KLHL29: variants seen among roughly 807,000 people sequenced by gnomAD.
KLHL29 encodes the protein kelch-like protein 29.
In KLHL29, 21 loss-of-function variants were observed where a neutral mutation model predicts 80.4. The observed-to-expected ratio is 0.26, with a 90% CI of 0.19 to 0.38. The LOEUF is 0.38. Ranked by LOEUF, KLHL29 falls within the 10% of genes least tolerant of loss-of-function variation. KLHL29 has a pLI of 1.00. For synonymous variants in KLHL29, 511 were observed against 526.8 expected (o/e 0.97, Z 0.41); for missense variants, 867 against 1,223.9 (o/e 0.71, Z 4.35).
chr2:23,639,138 G>A lies in KLHL29; in HGVS notation c.286-1G>A. On this transcript the variant is annotated splice_acceptor_variant, in intron 3 of 13. Transcript: ENST00000486442. LOFTEE classifies it high-confidence loss of function. Reference sequence around the variant, plus strand: ...CTCACCTCCTCATCTGCTTCCCACAGGCTCCCGGCATCTCCAAAGGGGACA... The same window carrying A: ...CTCACCTCCTCATCTGCTTCCCACAAGCTCCCGGCATCTCCAAAGGGGACA... 6.5e-7 allele frequency: 1 copy of A among 1,528,472 alleles called. No homozygotes were observed. Among genetic ancestry groups the A allele is most frequent in the Middle Eastern group, 1.7e-4 (1 of 5,876 alleles). 94.7% of individuals were successfully genotyped at this position (1,528,472 alleles called of 1,614,324 possible).
chr2:23,558,011 G>A (rs1403056810), intron 2 of KLHL29, among the ~76,000 whole-genome samples: 1 of 152,128 alleles, frequency 6.6e-6, no homozygotes, highest in African/African-American at 2.4e-5. Context: ...GGCCTCCAAG[G>A]TTGCCATGAC....
At chr2:23,502,088 G>A (rs1665463995) in intron 2 of KLHL29, among the ~76,000 whole-genome samples, 1 of 152,170 alleles carries the variant, frequency 6.6e-6, no homozygotes, top group African/African-American at 2.4e-5. Flanking sequence ...ATTCTTCACA[G>A]GTTGTAGTGC....
At chr2:23,408,263 TAAAAAAAAAAAAAAAAAAAAAAA>T (rs55790582) in intron 1 of KLHL29, among the ~76,000 whole-genome samples, 2 of 52,678 alleles carry the variant, frequency 3.8e-5, no homozygotes, top group East Asian at 9.5e-4. Flanking sequence ...CATTTCACGC[TAAAAAAAAAAAAAAAAAAAAAAA>T]AAAAAAAAAA....
intron 3 of KLHL29, among the ~76,000 whole-genome samples, chr2:23,619,729 G>A (rs1279589657): frequency 6.6e-6 from 1 of 152,170 alleles, no homozygotes; most frequent in Non-Finnish European, 1.5e-5. Context: ...ACCAGGAAAA[G>A]AGAAATGGAA....
At chr2:23,388,503 A>G (rs1666238932) in intron 1 of KLHL29, among the ~76,000 whole-genome samples, 1 of 152,206 alleles carries the variant, frequency 6.6e-6, no homozygotes, top group South Asian at 2.1e-4. Flanking sequence ...AACACCTGTC[A>G]GTTTAAGTGA....
Position 23,428,558 on chromosome 2 carries a change from C to T in KLHL29, c.-154+42778C>T, listed in dbSNP as rs193245781. Among the ~76,000 whole-genome samples the T allele has an allele frequency of 6.9e-4, 105 of 152,242 alleles. 1 individual carries two copies. In the East Asian group the frequency reaches 0.019, roughly 27 times the overall value. ...CATTGCCAGAGTGCATCATACAGGTCGTCAGTCCCTTGGAGGCAAGAAAGG... is the reference window on the plus strand; with the variant it reads ...CATTGCCAGAGTGCATCATACAGGTTGTCAGTCCCTTGGAGGCAAGAAAGG... On this transcript the variant is annotated intron_variant, in intron 1 of 13. Transcript: ENST00000486442.
rs953789380 is a variant in KLHL29, at chr2:23,639,418, G to A, written c.427+138G>A. On this transcript the variant is annotated intron_variant, in intron 4 of 13. Transcript: ENST00000486442. ...GAAGCCCCCTCCTCAGGTTCAGGGG[G>A]CAAAGGCACTGTGTGTAATTCCCTG... 4.5e-5 allele frequency: 35 copies of A among 777,362 alleles called. No individual in the cohort carries two copies. The Admixed American group carries it at 1.0e-3, about 23-fold the overall frequency. 48.2% of individuals were successfully genotyped at this position (777,362 alleles called of 1,614,324 possible).
Position 23,440,351 on chromosome 2 carries a change from A to C in KLHL29, c.-153-35209A>C, listed in dbSNP as rs1030812547. On this transcript the variant is annotated intron_variant, in intron 1 of 13. Transcript: ENST00000486442. The stretch of plus-strand genomic sequence containing the variant: ...TTCAAGATGGATTAAAGACTTAAAC[A>C]TTAGACCTAAAACCATAAAAACTCT... 2.1e-3 allele frequency among the ~76,000 whole-genome samples: 325 copies of C among 151,836 alleles called. 1 individual carries two copies. The highest frequency in any genetic ancestry group is 7.4e-3 in the African/African-American group (308 of 41,364).
intron 2 of KLHL29, among the ~76,000 whole-genome samples, chr2:23,521,122 C>G (rs1666088882): frequency 1.3e-5 from 2 of 152,074 alleles, no homozygotes; most frequent in Non-Finnish European, 2.9e-5. Flanking sequence ...CTGTATCCGT[C>G]TATCTGCCCC....
intron 1 of KLHL29, among the ~76,000 whole-genome samples, chr2:23,475,160 T>A (rs1049552903): frequency 2.6e-5 from 4 of 152,216 alleles, no homozygotes; most frequent in Non-Finnish European, 5.9e-5. Context: ...TGTTTTCTTT[T>A]TCCCCATTGC....
intron 1 of KLHL29, among the ~76,000 whole-genome samples, chr2:23,431,189 A>C (rs1466301328): frequency 2.0e-5 from 3 of 152,172 alleles, no homozygotes; most frequent in South Asian, 2.1e-4. Flanking sequence ...AGTCCATGGC[A>C]CCAACAGGTC....
chr2:23,646,482 C>A (rs1669936866), intron 5 of KLHL29, among the ~76,000 whole-genome samples: 1 of 152,228 alleles, frequency 6.6e-6, no homozygotes, highest in African/African-American at 2.4e-5. Flanking sequence ...GCTGCACCTG[C>A]TCCCACCTGC....
rs1309816643 is a variant in KLHL29 at position 23,524,413 on chromosome 2, G to A, written c.-45-37739G>A. 3 of 174,474 alleles carry A rather than the reference G, an allele frequency of 1.7e-5. No individual in the cohort carries two copies. The East Asian group carries it at 4.6e-4, about 27-fold the overall frequency. 10.8% of individuals were successfully genotyped at this position (174,474 alleles called of 1,614,324 possible). ...GGGCTCCCGGGAGGCGTCGGCAGGA[G>A]AAGCAGGGCAGCAGCTGTGAGTCAC... On this transcript the variant is annotated intron_variant, in intron 2 of 13. Transcript: ENST00000486442.
intron 1 of KLHL29, among the ~76,000 whole-genome samples, chr2:23,453,804 A>AT (rs142588377): frequency 0.021 from 3,224 of 150,452 alleles, 53 homozygotes; most frequent in Middle Eastern, 0.066. Context: ...TTTGTTTTGT[A>AT]TTTTTTTTTT....
intron 3 of KLHL29, among the ~76,000 whole-genome samples, chr2:23,564,538 A>C (rs1445260717): frequency 6.6e-6 from 1 of 152,194 alleles, no homozygotes; most frequent in Non-Finnish European, 1.5e-5. Flanking sequence ...GCCCAGGAGC[A>C]CTGGGTGGGG....
At chr2:23,461,899 G>T (rs1246285255) in intron 1 of KLHL29, among the ~76,000 whole-genome samples, 2 of 151,684 alleles carry the variant, frequency 1.3e-5, no homozygotes, top group Non-Finnish European at 2.9e-5. Context: ...TCTGACCCAG[G>T]ACTGATGGCC....
At chr2:23,512,258 G>A (rs780575642) in intron 2 of KLHL29, among the ~76,000 whole-genome samples, 2 of 152,068 alleles carry the variant, frequency 1.3e-5, no homozygotes, top group East Asian at 3.9e-4. Context: ...CCAGCCTGAC[G>A]CACATGGAGA....
intron 1 of KLHL29, among the ~76,000 whole-genome samples, chr2:23,408,367 A>G (rs1666784079): frequency 6.7e-6 from 1 of 149,518 alleles, no homozygotes; most frequent in African/African-American, 2.5e-5. Context: ...TTTATAAAGA[A>G]TTGACATTTG....
intron 2 of KLHL29, among the ~76,000 whole-genome samples, chr2:23,481,863 G>A (rs1412259371): frequency 2.0e-5 from 3 of 151,712 alleles, no homozygotes; most frequent in Non-Finnish European, 4.4e-5. Context: ...GTTGCAGTGA[G>A]CTGAGATCAC....
Sources: allele counts gnomAD v4.1 joint callset (sites outside exome capture counted in the v4.1 genomes callset), GRCh38; gene constraint gnomAD v4.1.1; transcripts MANE v1.5; gene names NCBI Gene and HGNC (gene_info 2026-07-23, HGNC 2026-07-21).